Variants in MALRD1 observed in about 807,000 individuals in gnomAD.
MALRD1 encodes MAM and LDL receptor class A domain containing 1.
MALRD1 carries 247 observed loss-of-function variants against 242.1 expected under a neutral mutation model. The ratio of observed to expected loss-of-function variants is 1.02; its 90% CI spans 0.92 to 1.13. The LOEUF (loss-of-function observed/expected upper bound fraction) is 1.13. Among genes scored for constraint, MALRD1 ranks in the 50% most tolerant of loss-of-function variants. MALRD1 has a pLI of 0.00. For synonymous variants in MALRD1, 995 were observed against 866.6 expected (o/e 1.15, Z -2.60); for missense variants, 2,989 against 2,533.1 (o/e 1.18, Z -3.86).
chr10:19,113,834 C>CACAG (rs1554791248), intron 5 of MALRD1, among the ~76,000 whole-genome samples: 15 of 150,008 alleles, frequency 1.0e-4, no homozygotes, highest in African/African-American at 2.7e-4. Flanking sequence ...CACACACAGA[C>CACAG]ACACACACAC....
chr10:19,373,485 C>G (rs919270845), intron 26 of MALRD1, among the ~76,000 whole-genome samples: 1 of 151,308 alleles, frequency 6.6e-6, no homozygotes, highest in African/African-American at 2.4e-5. Context: ...TGCCACTGCA[C>G]TCCAGCCTGG....
At chr10:19,440,687 C>T (rs546436374) in intron 28 of MALRD1, among the ~76,000 whole-genome samples, 1 of 152,108 alleles carries the variant, frequency 6.6e-6, no homozygotes, top group African/African-American at 2.4e-5. Flanking sequence ...CCTTTTTTAT[C>T]ACTGCATAGT....
intron 4 of MALRD1, among the ~76,000 whole-genome samples, chr10:19,099,389 ACATTTAAAT>A (rs1277526046): frequency 6.6e-6 from 1 of 152,084 alleles, no homozygotes; most frequent in Non-Finnish European, 1.5e-5. Flanking sequence ...ATTTCCTCTG[ACATTTAAAT>A]CAAGTGGCTT....
In MALRD1 at chr10:19,663,876, A is replaced by G. The variant is rs189500781; in HGVS notation, c.6138-28406A>G. On this transcript the variant is annotated intron_variant, in intron 36 of 39. Transcript: ENST00000454679. ...CTGTCCTGCTGGGCTAGCTTTGACC[A>G]GTGTTTTTTCGGCTAGACAGAACAG... is the stretch of plus-strand genomic sequence containing the variant. 4.6e-5 allele frequency among the ~76,000 whole-genome samples: 7 copies of G among 152,202 alleles called. No homozygotes were observed. In the East Asian group the frequency reaches 1.4e-3, roughly 29 times the overall value.
At chr10:19,178,611 C>T (rs1202010856) in intron 14 of MALRD1, among the ~76,000 whole-genome samples, 1 of 152,146 alleles carries the variant, frequency 6.6e-6, no homozygotes, top group Non-Finnish European at 1.5e-5. Context: ...TTTGATTTGG[C>T]CTTTAATCAA....
chr10:19,063,862 G>A (rs929296314), intron 1 of MALRD1, among the ~76,000 whole-genome samples: 1 of 151,898 alleles, frequency 6.6e-6, no homozygotes, highest in Non-Finnish European at 1.5e-5. Flanking sequence ...GTTAATGGGT[G>A]CAGCACACCA....
chr10:19,565,256 A>C (rs561300457), intron 32 of MALRD1, among the ~76,000 whole-genome samples: 33 of 152,270 alleles, frequency 2.2e-4, no homozygotes, highest in African/African-American at 6.7e-4. Flanking sequence ...AAGAGAATGG[A>C]ACGAAAATGA....
In MALRD1 at chr10:19,120,211, A is replaced by G. The variant is rs1001337961; in HGVS notation, c.695-3281A>G. 3.3e-5 allele frequency among the ~76,000 whole-genome samples: 5 copies of G among 152,272 alleles called. No individual in the cohort carries two copies. The Middle Eastern group carries it at 0.014, about 414-fold the overall frequency. The stretch of plus-strand genomic sequence containing the variant: ...TGTTGAGCAGATGAGGGAAAACCAC[A>G]AGAGAGACTGAGAAAAAAAATAGGT... On this transcript the variant is annotated intron_variant, in intron 5 of 39. Transcript: ENST00000454679.
At chr10:19,444,000 G>C (rs1834816745) in intron 28 of MALRD1, among the ~76,000 whole-genome samples, 1 of 152,114 alleles carries the variant, frequency 6.6e-6, no homozygotes, top group African/African-American at 2.4e-5. Context: ...TCCTGTATTG[G>C]GTGCATATAT....
intron 12 of MALRD1, among the ~76,000 whole-genome samples, chr10:19,158,776 C>A (rs12569596): frequency 0.024 from 3,591 of 152,258 alleles, 129 homozygotes; most frequent in East Asian, 0.18. Context: ...TAAAATGCTG[C>A]AAGCTACAAG....
At chr10:19,336,000 T>C (rs575990490) in intron 24 of MALRD1, among the ~76,000 whole-genome samples, 2 of 151,850 alleles carry the variant, frequency 1.3e-5, no homozygotes, top group Admixed American at 6.6e-5. Flanking sequence ...AGCCAAATCA[T>C]GAGTGAACTC....
chr10:19,635,287 A>G (rs2131663145), intron 36 of MALRD1, among the ~76,000 whole-genome samples: 1 of 152,326 alleles, frequency 6.6e-6, no homozygotes, highest in African/African-American at 2.4e-5. Context: ...GAAATCAGCA[A>G]TTGGAAAATA....
At chr10:19,229,745 A>G (rs181419453) in intron 18 of MALRD1, among the ~76,000 whole-genome samples, 77 of 152,278 alleles carry the variant, frequency 5.1e-4, no homozygotes, top group Middle Eastern at 3.4e-3. Context: ...GCATTGTAGC[A>G]CTAAACTTTG....
At chr10:19,574,130 T>A (rs1836688479) in intron 33 of MALRD1, among the ~76,000 whole-genome samples, 1 of 152,108 alleles carries the variant, frequency 6.6e-6, no homozygotes, top group African/African-American at 2.4e-5. Context: ...TGCTGAAAAA[T>A]AATAGCTCTC....
chr10:19,110,801 G>C (rs1294289909), intron 5 of MALRD1, among the ~76,000 whole-genome samples: 1 of 152,096 alleles, frequency 6.6e-6, no homozygotes, highest in Non-Finnish European at 1.5e-5. Context: ...GCAGAGGTCA[G>C]GGTCTGGCAA....
chr10:19,527,004 C>A (rs1834130900), intron 31 of MALRD1, among the ~76,000 whole-genome samples: 1 of 152,068 alleles, frequency 6.6e-6, no homozygotes, highest in African/African-American at 2.4e-5. Context: ...AAGACACACA[C>A]CCCATTAGAA....
chr10:19,077,470 A>C (rs954925899), intron 2 of MALRD1, among the ~76,000 whole-genome samples: 12 of 152,086 alleles, frequency 7.9e-5, no homozygotes, highest in Middle Eastern at 3.4e-3. Context: ...GGAGGAAACT[A>C]TTTTAAGTAT....
At chr10:19,396,537 C>A (rs958687247) in intron 28 of MALRD1, among the ~76,000 whole-genome samples, 3 of 152,118 alleles carry the variant, frequency 2.0e-5, no homozygotes, top group African/African-American at 7.2e-5. Flanking sequence ...ATTTTACAGA[C>A]CACAAAATGA....
rs996849815 is a variant in MALRD1, at chr10:19,155,101, C to A, written c.1585C>A (p.Arg529Ser). Reference protein sequence around the residue: ...HGSFIYLEAQRSPGVAKLGSP... With the variant: ...HGSFIYLEAQSSPGVAKLGSP... ...ATCGTTTATTTATTTGGAGGCACAG[C>A]GCTCCCCCGGGGTGGCCAAGCTTGG... Residue 529 changes from arginine to serine, a missense_variant, in exon 12 of 40, where the codon CGC (arginine) becomes AGC (serine). By Grantham distance (110) the Arg-to-Ser change is moderately radical. Coordinates refer to ENST00000454679, the MANE Select transcript of MALRD1 (RefSeq NM_001142308.3). 1 of 1,231,472 alleles carries A rather than the reference C, an allele frequency of 8.1e-7. No individual in the cohort carries two copies. Among genetic ancestry groups the A allele is most frequent in the Non-Finnish European group, 1.0e-6 (1 of 987,834 alleles). The allele number at this position is 1,231,472 out of a possible 1,614,324, so 76.3% of individuals were successfully genotyped here.
Sources: allele counts gnomAD v4.1 joint callset (sites outside exome capture counted in the v4.1 genomes callset), GRCh38; gene constraint gnomAD v4.1.1; transcripts MANE v1.5; gene names NCBI Gene and HGNC (gene_info 2026-07-23, HGNC 2026-07-21).